The following CIMAP3 variants were observed in gnomAD, a reference collection of about 807,000 sequenced individuals.
CIMAP3 encodes the protein ciliary microtubule associated protein 3.
chr1:111,342,399 C>T, the CIMAP3 span, among the ~76,000 whole-genome samples: 2 of 152,208 alleles, frequency 1.3e-5, no homozygotes, highest in African/African-American at 2.4e-5. Context: ...TCTCTTTCCA[C>T]AAACTGAGAC....
chr1:111,351,135 A>G, the CIMAP3 span: 9 of 805,126 alleles, frequency 1.1e-5, no homozygotes, highest in African/African-American at 5.4e-5. Context: ...CTAGATTACT[A>G]TGGAGTTGGG....
the CIMAP3 span, among the ~76,000 whole-genome samples, chr1:111,340,009 T>G: frequency 8.6e-5 from 13 of 151,510 alleles, no homozygotes; most frequent in African/African-American, 3.2e-4. Flanking sequence ...AAAACAGAGA[T>G]ACAGATCAAT....
chr1:111,347,647 G>GTTTTTTTTTTTTTTTTTTT, the CIMAP3 span: 1 of 862,582 alleles, frequency 1.2e-6, no homozygotes, highest in African/African-American at 2.4e-5. Context: ...TGGTGTTTTT[G>GTTTTTTTTTTTTTTTTTTT]TTTGTTTTTT....
the CIMAP3 span, among the ~76,000 whole-genome samples, chr1:111,340,742 C>A: frequency 6.6e-5 from 10 of 152,088 alleles, no homozygotes; most frequent in Non-Finnish European, 1.3e-4. Context: ...AATAGGAACA[C>A]TTTTACACTG....
At chr1:111,339,001 C>T in the CIMAP3 span, among the ~76,000 whole-genome samples, 2 of 152,292 alleles carry the variant, frequency 1.3e-5, no homozygotes, top group Non-Finnish European at 2.9e-5. Context: ...AAAAGCTTAT[C>T]CACCATGATC....
chr1:111,342,452 G>T, the CIMAP3 span, among the ~76,000 whole-genome samples: 2 of 152,186 alleles, frequency 1.3e-5, no homozygotes, highest in African/African-American at 4.8e-5. Context: ...GGAACCCCTT[G>T]TTGAGATATC....
chr1:111,327,008 A>G, the CIMAP3 span, among the ~76,000 whole-genome samples: 1 of 152,104 alleles, frequency 6.6e-6, no homozygotes, highest in Non-Finnish European at 1.5e-5. Flanking sequence ...GTCTATGAAT[A>G]CTTCGCAAAT....
the CIMAP3 span, among the ~76,000 whole-genome samples, chr1:111,326,601 A>T: frequency 6.6e-6 from 1 of 152,146 alleles, no homozygotes; most frequent in African/African-American, 2.4e-5. Context: ...ACACAAATGC[A>T]GGTATCCCTT....
chr1:111,332,591 G>A, the CIMAP3 span, among the ~76,000 whole-genome samples: 2 of 152,182 alleles, frequency 1.3e-5, no homozygotes, highest in Non-Finnish European at 2.9e-5. Flanking sequence ...GAGGTGATCT[G>A]TGGGGCTGGT....
the CIMAP3 span, among the ~76,000 whole-genome samples, chr1:111,332,674 C>T: frequency 6.6e-6 from 1 of 152,176 alleles, no homozygotes; most frequent in African/African-American, 2.4e-5. Context: ...TTCTGAGACA[C>T]AGACACAGGG....
chr1:111,341,434 T>G, the CIMAP3 span, among the ~76,000 whole-genome samples: 1 of 152,164 alleles, frequency 6.6e-6, no homozygotes, highest in Non-Finnish European at 1.5e-5. Context: ...AAAGGGAACT[T>G]TGTTCCAGAA....
chr1:111,348,327 A>T, the CIMAP3 span: 1 of 509,230 alleles, frequency 2.0e-6, no homozygotes, highest in Non-Finnish European at 3.4e-6. Context: ...ACGTATCACT[A>T]GGTAGCTGAA....
chr1:111,337,253 G>A, the CIMAP3 span, among the ~76,000 whole-genome samples: 4 of 152,206 alleles, frequency 2.6e-5, no homozygotes, highest in African/African-American at 4.8e-5. Context: ...ATGCCAAAAT[G>A]TAAAGACCAT....
chr1:111,329,516 CAT>C, the CIMAP3 span, among the ~76,000 whole-genome samples: 706 of 105,950 alleles, frequency 6.7e-3, 5 homozygotes, highest in Middle Eastern at 0.015. Context: ...CACATAAACC[CAT>C]ATATATATAT....
At chr1:111,351,147 T>G in the CIMAP3 span, 3 of 777,270 alleles carry the variant, frequency 3.9e-6, no homozygotes, top group Non-Finnish European at 6.1e-6. Flanking sequence ...GGAGTTGGGA[T>G]TCACCTCTAT....
the CIMAP3 span, chr1:111,346,727 G>A: frequency 6.3e-7 from 1 of 1,593,412 alleles, no homozygotes; most frequent in African/African-American, 1.3e-5. Flanking sequence ...GAAGGGTGGG[G>A]AAGCTGGGAA....
At chr1:111,347,647 G>GTTTTTTTTTTTTTT in the CIMAP3 span, 2 of 862,582 alleles carry the variant, frequency 2.3e-6, no homozygotes, top group South Asian at 3.1e-5. Flanking sequence ...TGGTGTTTTT[G>GTTTTTTTTTTTTTT]TTTGTTTTTT....
chr1:111,340,088 A>G, the CIMAP3 span, among the ~76,000 whole-genome samples: 6 of 152,100 alleles, frequency 3.9e-5, no homozygotes, highest in Non-Finnish European at 8.8e-5. Context: ...CAAACCTGAG[A>G]AAAACAAGCA....
the CIMAP3 span, among the ~76,000 whole-genome samples, chr1:111,329,318 T>C: frequency 7.9e-3 from 1,200 of 151,970 alleles, 17 homozygotes; most frequent in African/African-American, 0.027. Context: ...CTGATGATTG[T>C]GTCTTGGGGA....
Sources: gnomAD v4.1 joint callset for allele counts (sites outside exome capture counted in the v4.1 genomes callset) on GRCh38, gnomAD v4.1.1 for gene constraint, MANE v1.5 for transcripts, NCBI Gene and HGNC (gene_info 2026-07-23, HGNC 2026-07-21) for gene names.